Variants in ATP1A4 observed in about 807,000 individuals in gnomAD.
The protein encoded by ATP1A4 is ATPase Na+/K+ transporting subunit alpha 4, also known as sodium/potassium-transporting ATPase subunit alpha-4.
A neutral mutation model predicts 114.3 loss-of-function variants in ATP1A4; 90 were observed. That is an observed-to-expected ratio of 0.79 (90% CI 0.66 to 0.94). The LOEUF (loss-of-function observed/expected upper bound fraction) is 0.94. Among genes scored for constraint, ATP1A4 ranks in the 40% least tolerant of loss-of-function variants. The probability of loss-of-function intolerance (pLI) is 0.00; values close to 1 mark genes in which losing one functional copy is unlikely to be tolerated. For synonymous variants in ATP1A4, 511 were observed against 494.1 expected, an observed-to-expected ratio of 1.03 and a Z score of -0.45; for missense variants, 1,222 against 1,313.6, an observed-to-expected ratio of 0.93 and a Z score of 1.08.
intron 4 of ATP1A4, 116 bp from the exon 5 acceptor site, chr1:160,158,886 T>C (rs780228493): frequency 2.7e-6 from 3 of 1,119,858 alleles, no homozygotes; most frequent in Non-Finnish European, 3.8e-6. Context: ...ATGTGGTGGG[T>C]GACAGTAAGA....
chr1:160,171,448 G>C lies in ATP1A4; in HGVS notation c.1681+8G>C. 1.9e-6 allele frequency: 3 copies of C among 1,611,560 alleles called. No individual in the cohort carries two copies. Among genetic ancestry groups the C allele is most frequent in the Non-Finnish European group, 2.5e-6 (3 of 1,178,230 alleles). ...TGGGGGAACGTGTGCTAGGTGAGGA[G>C]CTTTGGGAGAAGTTTTTAAAAGAAT... On this transcript the variant is annotated splice_region_variant and intron_variant, in intron 11 of 21. Transcript: ENST00000368081.
At chr1:160,179,822 T>C (rs1391314894) in intron 18 of ATP1A4, among the ~76,000 whole-genome samples, 1 of 152,144 alleles carries the variant, frequency 6.6e-6, no homozygotes, top group Non-Finnish European at 1.5e-5. Context: ...AAATATATAA[T>C]ATATTTAATC....
chr1:160,167,260 C>G lies in ATP1A4; in HGVS notation c.1357-18C>G, dbSNP rs1200083169. ...TAGCATGCCCCTGGGGCTTACTATA[C>G]AAACCCCATCCTGGCAGAGGGCCAC... On this transcript the variant is annotated intron_variant, in intron 9 of 21. Coordinates refer to ENST00000368081, the MANE Select transcript of ATP1A4 (RefSeq NM_144699.4). 2 of 1,593,300 alleles carry G rather than the reference C, an allele frequency of 1.3e-6. No homozygotes were observed. Among genetic ancestry groups the G allele is most frequent in the Non-Finnish European group, 1.7e-6 (2 of 1,171,270 alleles).
In ATP1A4 at chr1:160,174,059, C is replaced by T. The variant is rs117841987; in HGVS notation, c.1992-52C>T. On this transcript the variant is annotated intron_variant, in intron 13 of 21. Transcript: ENST00000368081. Reference sequence around the variant, plus strand: ...ATAGTCAAGATGGGCACCAAGACCCCTGGTGAATTCTCAACACTCAAAACT... The same window carrying T: ...ATAGTCAAGATGGGCACCAAGACCCTTGGTGAATTCTCAACACTCAAAACT... 6.7e-4 allele frequency: 1,068 copies of T among 1,593,778 alleles called. 15 individuals are homozygous for T. In the East Asian group the frequency reaches 0.022, roughly 33 times the overall value.
intron 10 of ATP1A4, chr1:160,169,983 T>C (rs1653186748): frequency 6.6e-6 from 1 of 152,220 alleles, no homozygotes; most frequent in South Asian, 2.1e-4. Context: ...TTTTCTACAC[T>C]ATCTCTTATA....
chr1:160,158,949 G>A, intron 4 of ATP1A4, 53 bp from the exon 5 acceptor site: 3 of 1,582,328 alleles, frequency 1.9e-6, no homozygotes, highest in Non-Finnish European at 2.6e-6. Flanking sequence ...GGCTAAGAGT[G>A]GGATGAGGAA....
Position 160,178,508 on chromosome 1 carries a change from C to T in ATP1A4, c.2736+844C>T, listed in dbSNP as rs531411254. Reference sequence around the variant, plus strand: ...TGGCCAACATGGTGAAACCCCATCTCTACTAAAAATACAAAAATAAGCTGG... The same window carrying T: ...TGGCCAACATGGTGAAACCCCATCTTTACTAAAAATACAAAAATAAGCTGG... On this transcript the variant is annotated intron_variant, in intron 18 of 21. Transcript: ENST00000368081. Among the ~76,000 whole-genome samples the T allele has an allele frequency of 1.1e-4, 17 of 152,124 alleles. No individual in the cohort carries two copies. In the East Asian group the frequency reaches 2.3e-3, roughly 21 times the overall value.
intron 6 of ATP1A4, among the ~76,000 whole-genome samples, chr1:160,161,665 C>T (rs891068734): frequency 6.6e-6 from 1 of 152,220 alleles, no homozygotes; most frequent in African/African-American, 2.4e-5. Context: ...TCCTCAGCAT[C>T]TCTCAAGTAT....
At position 160,177,683 on chromosome 1, in the gene ATP1A4, G is replaced by A. The variant is rs766001578; in HGVS notation, c.2736+19G>A. The A allele has an allele frequency of 3.7e-6, 6 of 1,613,636 alleles. No homozygotes were observed. The East Asian group carries it at 1.3e-4, about 36-fold the overall frequency. ...GCAGTGGGTGAGTAGAAGGGATAAG[G>A]TAGGAGCTGAGACCAGTAAGAGTGA... is the stretch of plus-strand genomic sequence containing the variant. On this transcript the variant is annotated intron_variant, in intron 18 of 21. Coordinates refer to ENST00000368081, the MANE Select transcript of ATP1A4 (RefSeq NM_144699.4).
In ATP1A4 at chr1:160,166,724, C is replaced by CT. The variant is rs1266273830; in HGVS notation, c.1245dup (p.Gly416TrpfsTer9). On this transcript the variant is annotated frameshift_variant and splice_region_variant, in exon 8 of 22. Transcript: ENST00000368081. LOFTEE classifies it high-confidence loss of function. ...GAGGCCGACACCACTGAAGAACAGA[C>CT]TGGTGACTAGTGGTATTGGTGGAAC... 6.2e-7 allele frequency: 1 copy of CT among 1,614,108 alleles called. No individual in the cohort carries two copies. Among genetic ancestry groups the CT allele is most frequent in the Admixed American group, 1.7e-5 (1 of 60,022 alleles).
chr1:160,152,208 C>T (rs927971848), intron 1 of ATP1A4, 21 bp downstream of exon 1: 14 of 1,609,176 alleles, frequency 8.7e-6, no homozygotes, highest in South Asian at 6.6e-5. Context: ...CCAAAGTGGG[C>T]GCTGACAGCT....
chr1:160,177,814 A>G (rs1195306156), intron 18 of ATP1A4, 150 bp downstream of exon 18: 2 of 836,560 alleles, frequency 2.4e-6, no homozygotes, highest in African/African-American at 3.4e-5. Flanking sequence ...GAGCCTTCTC[A>G]CACTTGCCCT....
intron 6 of ATP1A4, among the ~76,000 whole-genome samples, chr1:160,162,689 A>G (rs1456679032): frequency 2.0e-5 from 3 of 152,124 alleles, no homozygotes; most frequent in Non-Finnish European, 4.4e-5. Context: ...GTCTCCAAGC[A>G]TTGCCAAATG....
chr1:160,186,086 C>CAAAAAAAGAAAAA (rs1653879029), intron 20 of ATP1A4, among the ~76,000 whole-genome samples, 190 bp from the exon 21 acceptor site: 1 of 32,790 alleles, frequency 3.0e-5, no homozygotes, highest in Non-Finnish European at 5.1e-5. Flanking sequence ...GACTCTGTCG[C>CAAAAAAAGAAAAA]AAAAAAAAAA....
Position 160,171,725 on chromosome 1 carries a change from G to A in ATP1A4, c.1822G>A (p.Ala608Thr). 6.2e-7 allele frequency: 1 copy of A among 1,614,206 alleles called. No homozygotes were observed. Among genetic ancestry groups the A allele is most frequent in the Admixed American group, 1.7e-5 (1 of 60,030 alleles). The part of the protein sequence containing the change: ...IDPPRAAVPD[A>T]VSKCRSAGIK... ...CCCTCCCCGAGCTGCAGTGCCTGAT[G>A]CTGTGAGCAAGTGTCGCAGTGCAGG... The change falls in exon 12 of 22, where the codon GCT (alanine) becomes ACT (threonine). Residue 608 changes from alanine (A) to threonine (T), a missense_variant. Ala to Thr is a moderately conservative substitution (Grantham distance 58, BLOSUM62 0). Coordinates refer to ENST00000368081, the MANE Select transcript of ATP1A4 (RefSeq NM_144699.4).
intron 1 of ATP1A4, among the ~76,000 whole-genome samples, 186 bp from the exon 2 acceptor site, chr1:160,152,979 C>T (rs1483456689): frequency 2.0e-5 from 3 of 151,990 alleles, no homozygotes; most frequent in South Asian, 2.1e-4. Flanking sequence ...TGCAGTGAGT[C>T]GAAATCGCAC....
chr1:160,167,462 C>T (rs765244985), intron 10 of ATP1A4, 50 bp downstream of exon 10: 1 of 1,599,332 alleles, frequency 6.3e-7, no homozygotes, highest in Non-Finnish European at 8.5e-7. Flanking sequence ...ATGGGCTTAT[C>T]ACTGGAACAA....
At chr1:160,182,638 T>C (rs1653746095) in intron 20 of ATP1A4, 1 of 152,960 alleles carries the variant, frequency 6.5e-6, no homozygotes, top group African/African-American at 2.4e-5. Flanking sequence ...GTTAAGGATT[T>C]AGTATGTATT....
intron 4 of ATP1A4, among the ~76,000 whole-genome samples, chr1:160,156,807 G>A (rs908442970): frequency 6.6e-6 from 1 of 152,038 alleles, no homozygotes; most frequent in Non-Finnish European, 1.5e-5. Flanking sequence ...ATAATAAAAA[G>A]AGGCTAAAGA....
Sources: gnomAD v4.1 joint callset for allele counts (sites outside exome capture counted in the v4.1 genomes callset) on GRCh38, gnomAD v4.1.1 for gene constraint, MANE v1.5 for transcripts, NCBI Gene and HGNC (gene_info 2026-07-23, HGNC 2026-07-21) for gene names.